Variants in SHANK2 observed in about 807,000 individuals in gnomAD.
SHANK2 encodes the protein SH3 and multiple ankyrin repeat domains 2, also known as SH3 and multiple ankyrin repeat domains protein 2.
Under a neutral mutation model 133.7 loss-of-function variants are expected in SHANK2, and 43 were observed. That is an observed-to-expected ratio of 0.32 (90% CI 0.25 to 0.41). The LOEUF is 0.41. Ranked by LOEUF, SHANK2 falls within the 10% of genes least tolerant of loss-of-function variation. The probability of loss-of-function intolerance (pLI) is 1.00; values close to 1 mark genes in which losing one functional copy is unlikely to be tolerated. For missense variants in SHANK2, 1,994 were observed against 2,235.8 expected (o/e 0.89, Z 2.18); for synonymous variants, 1,017 against 952.8 (o/e 1.07, Z -1.24).
chr11:70,638,682 G>A (rs527341590), intron 17 of SHANK2, among the ~76,000 whole-genome samples: 1 of 152,230 alleles, frequency 6.6e-6, no homozygotes, highest in South Asian at 2.1e-4. Flanking sequence ...AGATTTCCTA[G>A]AAAATGATCT....
At chr11:70,539,184 G>T (rs1279265062) in intron 17 of SHANK2, among the ~76,000 whole-genome samples, 2 of 152,192 alleles carry the variant, frequency 1.3e-5, no homozygotes, top group Non-Finnish European at 2.9e-5. Context: ...AGGCCGGATG[G>T]CAGAGCGTGC....
chr11:71,137,232 AAAAG>A (rs1264818776), intron 3 of SHANK2, among the ~76,000 whole-genome samples: 1 of 144,660 alleles, frequency 6.9e-6, no homozygotes, highest in African/African-American at 2.6e-5. Context: ...CTTTTTGAAA[AAAAG>A]AAAGTTTTAG....
At chr11:71,165,318 G>GCCA (rs1192393471) in intron 2 of SHANK2, among the ~76,000 whole-genome samples, 3 of 152,280 alleles carry the variant, frequency 2.0e-5, no homozygotes, top group East Asian at 3.9e-4. Flanking sequence ...ACAGGCATGA[G>GCCA]CCACCACTCC....
At chr11:70,499,463 T>G (rs1555157880) in intron 21 of SHANK2, among the ~76,000 whole-genome samples, 2 of 152,012 alleles carry the variant, frequency 1.3e-5, no homozygotes, top group Non-Finnish European at 2.9e-5. Flanking sequence ...GCCACCTGAG[T>G]CCCGAACTGT....
rs1948197660 is a variant in SHANK2, at chr11:71,252,243, G to C, written c.-113+182C>G. Among the ~76,000 whole-genome samples the C allele has an allele frequency of 6.6e-6, 1 of 152,106 alleles. No individual in the cohort carries two copies. Among genetic ancestry groups the C allele is most frequent in the Non-Finnish European group, 1.5e-5 (1 of 68,016 alleles). The stretch of plus-strand genomic sequence containing the variant: ...AAAATCGACCCCCACCTGGACACGC[G>C]GCTCACTCCCCCCAGCGCCCACCTC... On this transcript the variant is annotated intron_variant, in intron 1 of 25. Transcript: ENST00000601538. The surrounding 1 kb of genome is among the most constrained non-coding windows in gnomAD (Gnocchi z 6.3).
Position 70,716,488 on chromosome 11 carries a change from C to T in SHANK2, c.1778-17725G>A, listed in dbSNP as rs868954826. Among the ~76,000 whole-genome samples, 35 of 152,332 alleles carry T rather than the reference C, an allele frequency of 2.3e-4. 1 individual carries two copies. In the Middle Eastern group the frequency reaches 0.017, roughly 74 times the overall value. On this transcript the variant is annotated intron_variant, in intron 14 of 25. Coordinates refer to ENST00000601538, the MANE Select transcript of SHANK2 (RefSeq NM_012309.5). ...TGATCGTGTGGGAAGACAGCTGCTTCTTTATTGCTCGGGTTTCGGTGCTGG... is the reference window on the plus strand; with the variant it reads ...TGATCGTGTGGGAAGACAGCTGCTTTTTTATTGCTCGGGTTTCGGTGCTGG...
At chr11:70,727,103 A>G (rs1946194401) in intron 14 of SHANK2, among the ~76,000 whole-genome samples, 1 of 152,244 alleles carries the variant, frequency 6.6e-6, no homozygotes, top group Non-Finnish European at 1.5e-5. Context: ...TTATGCAGCA[A>G]CAGCTGACTA....
intron 10 of SHANK2, among the ~76,000 whole-genome samples, chr11:70,939,806 G>C (rs903169222): frequency 5.7e-4 from 87 of 152,188 alleles, no homozygotes; most frequent in African/African-American, 2.0e-3. Context: ...AATCCCTGGA[G>C]CCCATAAATA....
chr11:70,526,882 G>A (rs2059405645), intron 17 of SHANK2, among the ~76,000 whole-genome samples: 1 of 151,150 alleles, frequency 6.6e-6, no homozygotes, highest in African/African-American at 2.4e-5. Flanking sequence ...GAGCCCCTCT[G>A]AGCCCACTCT....
chr11:70,724,226 G>C (rs1946130704), intron 14 of SHANK2, among the ~76,000 whole-genome samples: 1 of 152,062 alleles, frequency 6.6e-6, no homozygotes, highest in Admixed American at 6.5e-5. Flanking sequence ...AGTAGAGACA[G>C]GGTTTCACCA....
chr11:70,490,922 A>G (rs2058878416), intron 22 of SHANK2, among the ~76,000 whole-genome samples: 1 of 152,232 alleles, frequency 6.6e-6, no homozygotes, highest in Non-Finnish European at 1.5e-5. Flanking sequence ...GGTGAGCATG[A>G]TGTGCCAGCT....
intron 1 of SHANK2, among the ~76,000 whole-genome samples, chr11:71,246,370 G>A (rs531490532): frequency 8.5e-5 from 13 of 152,164 alleles, no homozygotes; most frequent in Admixed American, 2.6e-4. Context: ...CTGATGAGCC[G>A]GAGTGAGGAA....
At chr11:70,599,996 G>A (rs1554990628) in intron 17 of SHANK2, among the ~76,000 whole-genome samples, 1 of 151,494 alleles carries the variant, frequency 6.6e-6, no homozygotes, top group South Asian at 2.1e-4. Flanking sequence ...TCTTGAACAG[G>A]AAGACAACAT....
intron 17 of SHANK2, among the ~76,000 whole-genome samples, chr11:70,537,827 A>G (rs1008902822): frequency 6.6e-6 from 1 of 152,206 alleles, no homozygotes; most frequent in Non-Finnish European, 1.5e-5. Flanking sequence ...GTGCGGGGCC[A>G]GGCCTGGTGT....
chr11:71,202,171 T>A (rs1193518006), intron 2 of SHANK2, among the ~76,000 whole-genome samples: 4 of 152,194 alleles, frequency 2.6e-5, no homozygotes, highest in African/African-American at 9.7e-5. Context: ...CTTTAAGGCA[T>A]CTGCATGGGC....
intron 12 of SHANK2, among the ~76,000 whole-genome samples, chr11:70,809,703 T>G (rs1948238714): frequency 1.3e-5 from 2 of 152,202 alleles, no homozygotes; most frequent in East Asian, 1.9e-4. Flanking sequence ...TCTGTCTGCC[T>G]GACTCCAAAT....
intron 15 of SHANK2, among the ~76,000 whole-genome samples, chr11:70,689,278 GA>G (rs1240364118): frequency 1.1e-4 from 17 of 152,246 alleles, no homozygotes; most frequent in Admixed American, 9.1e-4. Context: ...AGAAGGCAAA[GA>G]AAAAAATCTT....
rs974737625 is a variant in SHANK2, at chr11:71,086,884, G to C, written c.912+5538C>G. 4.8e-3 allele frequency among the ~76,000 whole-genome samples: 726 copies of C among 152,304 alleles called. 6 individuals are homozygous for C. The highest frequency in any genetic ancestry group is 6.8e-3 in the Non-Finnish European group (460 of 68,026). ...TGCAGATGAATGAGAGGAGGCTCGC[G>C]AAGGCAAAGTTGCTTCACATTATCA... On this transcript the variant is annotated intron_variant, in intron 8 of 25. Coordinates refer to ENST00000601538, the MANE Select transcript of SHANK2 (RefSeq NM_012309.5).
chr11:71,190,873 C>G (rs1298304804), intron 2 of SHANK2, among the ~76,000 whole-genome samples: 1 of 152,098 alleles, frequency 6.6e-6, no homozygotes, highest in Non-Finnish European at 1.5e-5. Context: ...CTGGAGAAGG[C>G]CATTGTGAAG....
Sources: gnomAD v4.1 joint callset for allele counts (sites outside exome capture counted in the v4.1 genomes callset) on GRCh38, gnomAD v4.1.1 for gene constraint, Gnocchi (gnomAD v3.1) non-coding constraint, MANE v1.5 for transcripts, NCBI Gene and HGNC (gene_info 2026-07-23, HGNC 2026-07-21) for gene names.